The following CRB2 variants were observed in gnomAD, a reference collection of about 807,000 sequenced individuals.
CRB2 encodes crumbs cell polarity complex component 2, also known as protein crumbs homolog 2.
In CRB2, 85 loss-of-function variants were observed where a neutral mutation model predicts 110.9. The ratio of observed to expected loss-of-function variants is 0.77; its 90% confidence interval spans 0.64 to 0.92. The LOEUF is 0.92. CRB2 is among the 40% of genes least tolerant of loss of function. The pLI is 0.00. For missense variants in CRB2, 1,843 were observed against 1,851.3 expected, an observed-to-expected ratio of 1.00 and a Z score of 0.08; for synonymous variants, 907 against 831.0, an observed-to-expected ratio of 1.09 and a Z score of -1.57.
rs2042115628 is a variant in CRB2, at chr9:123,377,151, T to C, written c.*89T>C. On this transcript the variant is annotated 3_prime_UTR_variant, in exon 13 of 13. Coordinates refer to ENST00000373631, the MANE Select transcript of CRB2 (RefSeq NM_173689.7). The stretch of plus-strand genomic sequence containing the variant: ...GAAGCTGCTTCCAGGGCTCGGGACA[T>C]TGCTACGGAAGTGTCCCCTTGGCTG... 8.2e-7 allele frequency: 1 copy of C among 1,219,748 alleles called. No individual in the cohort carries two copies. The highest frequency in any genetic ancestry group is 1.1e-6 in the Non-Finnish European group (1 of 890,544). The allele number at this position is 1,219,748 out of a possible 1,614,324, so 75.6% of individuals were successfully genotyped here. A position where few individuals can be genotyped will look rare whatever the true frequency, so the allele number is the denominator to read the frequency against.
In CRB2 at chr9:123,356,202, G is replaced by T. The variant is rs1203450083; in HGVS notation, c.-59G>T. On this transcript the variant is annotated 5_prime_UTR_variant, in exon 1 of 13. Transcript: ENST00000373631. Reference sequence around the variant, plus strand: ...GTTGGAGGGACGAGGGGGGTGCGGAGCCAGCCAGGCCGCCCTCCCGTTCTC... The same window carrying T: ...GTTGGAGGGACGAGGGGGGTGCGGATCCAGCCAGGCCGCCCTCCCGTTCTC... 8.0e-6 allele frequency: 10 copies of T among 1,252,272 alleles called. No homozygotes were observed. The South Asian group carries it at 8.3e-5, about 10-fold the overall frequency. The allele number at this position is 1,252,272 out of a possible 1,614,324, so 77.6% of individuals were successfully genotyped here.
chr9:123,365,270 T>C (rs967947588), intron 2 of CRB2, among the ~76,000 whole-genome samples: 1 of 151,628 alleles, frequency 6.6e-6, no homozygotes, highest in African/African-American at 2.4e-5. Flanking sequence ...CTCAAAAAAA[T>C]AAAAAACAAA....
intron 5 of CRB2, 53 bp from the exon 6 acceptor site, chr9:123,367,520 C>A (rs2041954615): frequency 6.8e-7 from 1 of 1,471,134 alleles, no homozygotes; most frequent in South Asian, 1.2e-5. Context: ...ACCCTCTCAG[C>A]CCCTGCCTGG....
At chr9:123,368,953 A>AG in intron 6 of CRB2, 1 of 1,232,108 alleles carries the variant, frequency 8.1e-7, no homozygotes. Flanking sequence ...GCAGGTATGG[A>AG]GGAATGTGGG....
intron 1 of CRB2, among the ~76,000 whole-genome samples, chr9:123,362,592 C>T (rs1211458239): frequency 2.0e-5 from 3 of 152,146 alleles, no homozygotes; most frequent in Admixed American, 2.0e-4. Flanking sequence ...TCACGGGGCT[C>T]AGGGAACCTC....
chr9:123,368,800 G>A, intron 6 of CRB2: 1 of 1,197,858 alleles, frequency 8.3e-7, no homozygotes, highest in Non-Finnish European at 1.1e-6. Flanking sequence ...GGCTCCGAAG[G>A]AGGCAGCTGG....
intron 12 of CRB2, 87 bp from the exon 13 acceptor site, chr9:123,376,751 T>TC: frequency 8.0e-7 from 1 of 1,249,884 alleles, no homozygotes; most frequent in Non-Finnish European, 1.1e-6. Context: ...TCTGAGTAGG[T>TC]CCTTGTGCTG....
chr9:123,366,451 C>T (rs2041933767), intron 4 of CRB2, 85 bp downstream of exon 4: 3 of 1,438,472 alleles, frequency 2.1e-6, no homozygotes, highest in Non-Finnish European at 1.8e-6. Context: ...AGGTGTGTGG[C>T]TGCACGCGAG....
In CRB2 at chr9:123,361,134, G is replaced by GC. The variant is rs1554781908; in HGVS notation, c.95-1731_95-1730insC. ...GGCAAAGCTTCAGATTGGATGGGCGGGGAGGGGGGGGGGTTCCTTGCACTG... is the reference window on the plus strand; with the variant it reads ...GGCAAAGCTTCAGATTGGATGGGCGGCGGAGGGGGGGGGGTTCCTTGCACTG... On this transcript the variant is annotated intron_variant, in intron 1 of 12. Transcript: ENST00000373631. Among the ~76,000 whole-genome samples the GC allele has an allele frequency of 2.1e-4, 16 of 77,680 alleles. 1 individual carries two copies. Among genetic ancestry groups the GC allele is most frequent in the African/African-American group, 4.8e-4 (16 of 33,636 alleles). 51.0% of individuals were successfully genotyped at this position (77,680 alleles called of 152,430 possible). A position where few individuals can be genotyped will look rare whatever the true frequency, so the allele number is the denominator to read the frequency against.
intron 12 of CRB2, among the ~76,000 whole-genome samples, chr9:123,375,883 C>T (rs561710123): frequency 7.9e-5 from 12 of 152,214 alleles, no homozygotes; most frequent in East Asian, 1.9e-4. Context: ...TGAACCTCCC[C>T]GCCACACCCC....
chr9:123,371,022 C>T (rs572025287), intron 7 of CRB2, 42 bp downstream of exon 7: 7 of 1,595,096 alleles, frequency 4.4e-6, no homozygotes, highest in Non-Finnish European at 5.1e-6. Context: ...CTGAGATCTG[C>T]CTCCCTCAGC....
At chr9:123,360,184 A>G (rs1442008423) in intron 1 of CRB2, among the ~76,000 whole-genome samples, 6 of 152,200 alleles carry the variant, frequency 3.9e-5, no homozygotes, top group Non-Finnish European at 5.9e-5. Flanking sequence ...CAAGTATAAC[A>G]ATGTAATAAT....
chr9:123,354,189 CCCCTCCATA>C, upstream of CRB2, among the ~76,000 whole-genome samples: 1 of 152,354 alleles, frequency 6.6e-6, no homozygotes, highest in African/African-American at 2.4e-5. Context: ...CGGGGGAGCC[CCCCTCCATA>C]CCCTCCAGAC....
chr9:123,362,239 G>A (rs1032170454), intron 1 of CRB2, among the ~76,000 whole-genome samples: 1 of 152,158 alleles, frequency 6.6e-6, no homozygotes, highest in African/African-American at 2.4e-5. Context: ...ATCCTCCAGA[G>A]GTTGAGGTCG....
rs55927189 is a variant in CRB2 at position 123,361,138 on chromosome 9, G to GTGGC, written c.95-1727_95-1726insTGGC. On this transcript the variant is annotated intron_variant, in intron 1 of 12. Transcript: ENST00000373631. ...AAGCTTCAGATTGGATGGGCGGGGA[G>GTGGC]GGGGGGGGGTTCCTTGCACTGCACA... 5.2e-5 allele frequency among the ~76,000 whole-genome samples: 6 copies of GTGGC among 115,964 alleles called. 1 individual carries two copies. Among genetic ancestry groups the GTGGC allele is most frequent in the South Asian group, 2.9e-4 (1 of 3,446 alleles). The allele number at this position is 115,964 out of a possible 152,430, so 76.1% of individuals were successfully genotyped here. A position where few individuals can be genotyped will look rare whatever the true frequency, so the allele number is the denominator to read the frequency against.
At chr9:123,375,781 C>G (rs1270861404) in intron 12 of CRB2, among the ~76,000 whole-genome samples, 1 of 152,178 alleles carries the variant, frequency 6.6e-6, no homozygotes, top group Admixed American at 6.5e-5. Flanking sequence ...CGCACTGGAG[C>G]AGGCTCGGCC....
At chr9:123,364,137 G>T (rs2041900129) in intron 2 of CRB2, among the ~76,000 whole-genome samples, 1 of 152,210 alleles carries the variant, frequency 6.6e-6, no homozygotes, top group African/African-American at 2.4e-5. Flanking sequence ...TTGGGAAGCT[G>T]GTTCCATGCA....
rs1034920521 is a variant in CRB2 at position 123,377,289 on chromosome 9, G to T, written c.*227G>T. ...TTCTCCATCCCACCCTCGGGGTTCC[G>T]CCTTGGCAGGTGTACGGCTGTGCGT... On this transcript the variant is annotated 3_prime_UTR_variant, in exon 13 of 13. Transcript: ENST00000373631. 3.6e-6 allele frequency: 2 copies of T among 555,506 alleles called. No individual in the cohort carries two copies. Among genetic ancestry groups the T allele is most frequent in the East Asian group, 2.9e-5 (1 of 33,930 alleles). The allele number at this position is 555,506 out of a possible 1,614,324, so 34.4% of individuals were successfully genotyped here. A position where few individuals can be genotyped will look rare whatever the true frequency, so the allele number is the denominator to read the frequency against.
chr9:123,355,729 G>T (rs566173470), upstream of CRB2, among the ~76,000 whole-genome samples: 6 of 151,000 alleles, frequency 4.0e-5, no homozygotes, highest in East Asian at 3.9e-4. Flanking sequence ...AGCAGCAGGT[G>T]GGGGGACGAG....
Sources: allele counts gnomAD v4.1 joint callset (sites outside exome capture counted in the v4.1 genomes callset), GRCh38; gene constraint gnomAD v4.1.1; transcripts MANE v1.5; gene names NCBI Gene and HGNC (gene_info 2026-07-23, HGNC 2026-07-21).